The following MAP2K6 variants were observed in gnomAD, a reference collection of about 807,000 sequenced individuals.
MAP2K6 encodes the protein mitogen-activated protein kinase kinase 6, also known as dual specificity mitogen-activated protein kinase kinase 6.
In MAP2K6, 16 loss-of-function variants were observed where a neutral mutation model predicts 53.7. The observed-to-expected ratio is 0.30, with a 90% CI of 0.20 to 0.45. The LOEUF is 0.45. MAP2K6 is among the 20% of genes least tolerant of loss of function. The probability of loss-of-function intolerance (pLI) is 1.00; values close to 1 mark genes in which losing one functional copy is unlikely to be tolerated. For missense variants in MAP2K6, 204 were observed against 411.9 expected (o/e 0.50, Z 4.37); for synonymous variants, 132 against 143.1 (o/e 0.92, Z 0.55).
At chr17:69,505,430 GA>G (rs1264020495) in intron 1 of MAP2K6, 4 of 210,272 alleles carry the variant, frequency 1.9e-5, no homozygotes, top group African/African-American at 2.8e-5. Context: ...GTGACAGAGT[GA>G]GACTCTGTCT....
In MAP2K6 at chr17:69,530,034, A is replaced by C. The variant is rs558711827; in HGVS notation, c.881+3325A>C. On this transcript the variant is annotated intron_variant, in intron 10 of 11. Transcript: ENST00000590474. ...AAATTTTGAGCCGTAGACATGTCTC[A>C]GCTTTCCTGAAACTGTTAATTCTAT... is the stretch of plus-strand genomic sequence containing the variant. Among the ~76,000 whole-genome samples the C allele has an allele frequency of 4.6e-5, 7 of 152,310 alleles. No individual in the cohort carries two copies. In the East Asian group the frequency reaches 1.3e-3, roughly 29 times the overall value.
intron 1 of MAP2K6, among the ~76,000 whole-genome samples, chr17:69,441,747 A>AGAT (rs1906825190): frequency 1.3e-5 from 2 of 152,202 alleles, no homozygotes; most frequent in African/African-American, 4.8e-5. Flanking sequence ...ATGATTTAGA[A>AGAT]GATCTCCTCT....
At chr17:69,417,444 C>T (rs1905941832) in intron 1 of MAP2K6, among the ~76,000 whole-genome samples, 1 of 152,172 alleles carries the variant, frequency 6.6e-6, no homozygotes, top group Non-Finnish European at 1.5e-5. Flanking sequence ...ATTACAGACT[C>T]TCTGGAAGCT....
At chr17:69,455,035 ATTTT>A (rs34777682) in intron 1 of MAP2K6, among the ~76,000 whole-genome samples, 1 of 130,182 alleles carries the variant, frequency 7.7e-6, no homozygotes, top group Non-Finnish European at 1.7e-5. Flanking sequence ...TACTATTATT[ATTTT>A]TTTTTTTTTT....
chr17:69,488,709 A>G (rs1033503223), intron 1 of MAP2K6, among the ~76,000 whole-genome samples: 4 of 152,092 alleles, frequency 2.6e-5, no homozygotes, highest in South Asian at 2.1e-4. Context: ...ACTTATGTCC[A>G]CTTCGGTACT....
rs1909436606 is a variant in MAP2K6 at position 69,505,762 on chromosome 17, T to C, written c.17-18T>C. 1 of 1,610,164 alleles carries C rather than the reference T, an allele frequency of 6.2e-7. No homozygotes were observed. The highest frequency in any genetic ancestry group is 8.5e-7 in the Non-Finnish European group (1 of 1,176,730). On this transcript the variant is annotated intron_variant, in intron 1 of 11. Transcript: ENST00000590474. Reference sequence around the variant, plus strand: ...TATGATTTAGTCCTTAACTTTTTCCTTTTGTCTTTCCCCATAGGCAAGAAG... The same window carrying C: ...TATGATTTAGTCCTTAACTTTTTCCCTTTGTCTTTCCCCATAGGCAAGAAG...
At chr17:69,442,646 T>C (rs987400109) in intron 1 of MAP2K6, among the ~76,000 whole-genome samples, 3 of 152,224 alleles carry the variant, frequency 2.0e-5, no homozygotes, top group Admixed American at 2.0e-4. Context: ...GTAACTAAAT[T>C]GCAGTTCAAT....
chr17:69,513,871 T>C (rs757914724), intron 2 of MAP2K6, among the ~76,000 whole-genome samples: 1 of 152,150 alleles, frequency 6.6e-6, no homozygotes, highest in Non-Finnish European at 1.5e-5. Flanking sequence ...CTCCAGCACT[T>C]TGGGAGGCCA....
At chr17:69,449,615 T>C (rs1907134838) in intron 1 of MAP2K6, among the ~76,000 whole-genome samples, 2 of 131,396 alleles carry the variant, frequency 1.5e-5, no homozygotes, top group African/African-American at 5.9e-5. Flanking sequence ...CTCTCTTTTT[T>C]TTTTTTTTTT....
chr17:69,527,528 T>C (rs1282176440), intron 10 of MAP2K6, among the ~76,000 whole-genome samples: 1 of 152,228 alleles, frequency 6.6e-6, no homozygotes, highest in African/African-American at 2.4e-5. Context: ...ATAGAGGTCA[T>C]GATGCCTAGC....
At chr17:69,457,674 C>A (rs774383472) in intron 1 of MAP2K6, among the ~76,000 whole-genome samples, 1 of 152,144 alleles carries the variant, frequency 6.6e-6, no homozygotes, top group Non-Finnish European at 1.5e-5. Flanking sequence ...GCACGGTGGC[C>A]TGTGCCTGGA....
At chr17:69,431,866 C>T (rs1214556413) in intron 1 of MAP2K6, among the ~76,000 whole-genome samples, 1 of 152,150 alleles carries the variant, frequency 6.6e-6, no homozygotes, top group Admixed American at 6.5e-5. Context: ...CATATTTTGG[C>T]TAAACTTTCT....
At chr17:69,520,947 C>A in intron 6 of MAP2K6, 102 bp from the exon 7 acceptor site, 1 of 856,778 alleles carries the variant, frequency 1.2e-6, no homozygotes, top group Non-Finnish European at 1.8e-6. Flanking sequence ...GAAAATATCT[C>A]ACTGGTAACC....
intron 1 of MAP2K6, chr17:69,485,597 C>T (rs568150965): frequency 4.3e-6 from 1 of 231,560 alleles, no homozygotes; most frequent in African/African-American, 2.3e-5. Flanking sequence ...TGGCAGAACA[C>T]CCTGTTATAC....
At chr17:69,541,192 G>C (rs1237903552) in intron 11 of MAP2K6, among the ~76,000 whole-genome samples, 1 of 152,178 alleles carries the variant, frequency 6.6e-6, no homozygotes, top group Non-Finnish European at 1.5e-5. Context: ...GAACCCGGGA[G>C]GCAGAGTTTG....
intron 1 of MAP2K6, among the ~76,000 whole-genome samples, chr17:69,479,463 TTA>T (rs2145189940): frequency 6.6e-6 from 1 of 152,206 alleles, no homozygotes; most frequent in South Asian, 2.1e-4. Context: ...TAAATAAACT[TTA>T]TGTTTAGACT....
intron 1 of MAP2K6, among the ~76,000 whole-genome samples, chr17:69,465,284 A>C (rs1430257786): frequency 6.6e-6 from 1 of 151,856 alleles, no homozygotes; most frequent in Non-Finnish European, 1.5e-5. Context: ...TCTTTAATAA[A>C]ATGATATTAC....
At chr17:69,449,905 G>T (rs555485181) in intron 1 of MAP2K6, among the ~76,000 whole-genome samples, 1 of 145,994 alleles carries the variant, frequency 6.8e-6, no homozygotes, top group Non-Finnish European at 1.5e-5. Flanking sequence ...GAGCCACCGC[G>T]CCCGGCCTCT....
At chr17:69,487,486 C>T (rs1019996558) in intron 1 of MAP2K6, among the ~76,000 whole-genome samples, 6 of 152,170 alleles carry the variant, frequency 3.9e-5, no homozygotes, top group African/African-American at 7.2e-5. Flanking sequence ...CTGCCAGAAA[C>T]GGCAGTGTAG....
Sources: allele counts gnomAD v4.1 joint callset (sites outside exome capture counted in the v4.1 genomes callset), GRCh38; gene constraint gnomAD v4.1.1; transcripts MANE v1.5; gene names NCBI Gene and HGNC (gene_info 2026-07-23, HGNC 2026-07-21).